IL6R: variants seen among roughly 807,000 people sequenced by gnomAD.
IL6R encodes the protein interleukin-6 receptor subunit alpha.
In IL6R, 38 loss-of-function variants were observed where a neutral mutation model predicts 48.3. That is an observed-to-expected ratio of 0.79 (90% CI 0.61 to 1.03). IL6R has a LOEUF of 1.03. Ranked by LOEUF, IL6R falls within the 50% of genes least tolerant of loss-of-function variation. The pLI, the probability that IL6R is intolerant of heterozygous loss-of-function variation, is 0.00. For synonymous variants in IL6R, 264 were observed against 256.2 expected (o/e 1.03, Z -0.29); for missense variants, 534 against 618.3 (o/e 0.86, Z 1.45).
intron 1 of IL6R, among the ~76,000 whole-genome samples, chr1:154,408,194 C>G (rs768667366): frequency 2.0e-5 from 3 of 152,092 alleles, no homozygotes; most frequent in African/African-American, 7.2e-5. Flanking sequence ...AACAAACTGC[C>G]CCTTGTGATT....
Position 154,465,689 on chromosome 1 carries a change from G to A in IL6R, c.*309G>A. The A allele has an allele frequency of 2.9e-6, 1 of 347,664 alleles. No homozygotes were observed. Among genetic ancestry groups the A allele is most frequent in the Admixed American group, 4.2e-5 (1 of 23,760 alleles). The allele number at this position is 347,664 out of a possible 1,614,324, so 21.5% of individuals were successfully genotyped here. A position where few individuals can be genotyped will look rare whatever the true frequency, so the allele number is the denominator to read the frequency against. On this transcript the variant is annotated 3_prime_UTR_variant, in exon 10 of 10. Transcript: ENST00000368485. ...ACACGGACACTCAAAAGCTGGGCAG[G>A]TTGGTGGGGGCCTCGGTGTGGAGAA...
intron 3 of IL6R, among the ~76,000 whole-genome samples, chr1:154,432,816 A>C (rs1481119916): frequency 6.6e-6 from 1 of 152,170 alleles, no homozygotes; most frequent in Non-Finnish European, 1.5e-5. Flanking sequence ...TGGCTTCGAG[A>C]GCCTCAGGGG....
chr1:154,460,178 G>A (rs1342277833), intron 9 of IL6R, among the ~76,000 whole-genome samples: 1 of 152,174 alleles, frequency 6.6e-6, no homozygotes, highest in African/African-American at 2.4e-5. Context: ...ATGTAAAATA[G>A]ATAAAAGGTG....
At chr1:154,443,750 T>C (rs868550633) in intron 6 of IL6R, among the ~76,000 whole-genome samples, 80 of 152,366 alleles carry the variant, frequency 5.3e-4, no homozygotes, top group Admixed American at 9.8e-4. Context: ...GTGCAATAAA[T>C]GCCAGCATGA....
intron 9 of IL6R, among the ~76,000 whole-genome samples, chr1:154,456,515 T>C (rs963500654): frequency 6.6e-6 from 1 of 152,034 alleles, no homozygotes; most frequent in African/African-American, 2.4e-5. Flanking sequence ...CCTCAAGATA[T>C]ATTTTAGAGG....
chr1:154,456,042 A>C (rs1690867345), intron 9 of IL6R, among the ~76,000 whole-genome samples: 1 of 151,794 alleles, frequency 6.6e-6, no homozygotes, highest in Admixed American at 6.5e-5. Context: ...GGGTGACAGA[A>C]TGAGACTCAT....
intron 6 of IL6R, among the ~76,000 whole-genome samples, chr1:154,445,514 G>A (rs1458969491): frequency 6.6e-6 from 1 of 152,124 alleles, no homozygotes; most frequent in Non-Finnish European, 1.5e-5. Context: ...ACTTTGGGAG[G>A]CTGAGGCGGG....
intron 1 of IL6R, chr1:154,414,680 G>T: frequency 1.2e-6 from 1 of 852,230 alleles, no homozygotes; most frequent in East Asian, 2.6e-5. Context: ...CCCTTGGCCA[G>T]GAACACTTTG....
At chr1:154,451,288 TAG>T (rs1690565945) in intron 8 of IL6R, among the ~76,000 whole-genome samples, 2 of 151,920 alleles carry the variant, frequency 1.3e-5, no homozygotes, top group South Asian at 4.2e-4. Context: ...GAGGCCGAGG[TAG>T]GAGAATCACC....
chr1:154,438,870 G>A (rs977454866), intron 6 of IL6R, among the ~76,000 whole-genome samples: 1 of 152,188 alleles, frequency 6.6e-6, no homozygotes, highest in Non-Finnish European at 1.5e-5. Context: ...ACAGGAGGCA[G>A]CTTTCTATTG....
At position 154,467,764 on chromosome 1, in the gene IL6R, AAAG is replaced by A. The variant is rs1211455095; in HGVS notation, c.*2385_*2387del. The A allele has an allele frequency of 6.6e-6, 1 of 152,216 alleles. No homozygotes were observed. The highest frequency in any genetic ancestry group is 2.4e-5 in the African/African-American group (1 of 41,470). The allele number at this position is 152,216 out of a possible 1,614,324, so 9.4% of individuals were successfully genotyped here. ...ATGAACAATAACAGTTAAGAAAAAA[AAAG>A]GCAGGCAGGCGGTTATGGTGGTTCC... On this transcript the variant is annotated 3_prime_UTR_variant, in exon 10 of 10. Coordinates refer to ENST00000368485, the MANE Select transcript of IL6R (RefSeq NM_000565.4).
intron 8 of IL6R, among the ~76,000 whole-genome samples, chr1:154,450,345 T>G (rs1337957030): frequency 6.6e-6 from 1 of 152,096 alleles, no homozygotes; most frequent in Non-Finnish European, 1.5e-5. Context: ...AGGCTGGTCT[T>G]GAACTCCTGA....
chr1:154,445,704 T>C (rs1690184524), intron 6 of IL6R, among the ~76,000 whole-genome samples: 1 of 150,156 alleles, frequency 6.7e-6, no homozygotes, highest in Admixed American at 6.7e-5. Context: ...GAGCTGAGTT[T>C]GCGCCACAGC....
intron 2 of IL6R, among the ~76,000 whole-genome samples, chr1:154,429,873 G>A (rs1426032156): frequency 6.6e-6 from 1 of 152,046 alleles, no homozygotes; most frequent in Non-Finnish European, 1.5e-5. Context: ...ACACACATAT[G>A]CTGCTAAAAA....
Position 154,429,247 on chromosome 1 carries a change from C to T in IL6R, c.137C>T (p.Thr46Ile). The T allele has an allele frequency of 2.5e-6, 4 of 1,614,142 alleles. No homozygotes were observed. Among genetic ancestry groups the T allele is most frequent in the Non-Finnish European group, 3.4e-6 (4 of 1,180,006 alleles). ...TSLPGDSVTLTCPGVEPEDNA... is the reference protein window; with the variant it reads ...TSLPGDSVTLICPGVEPEDNA... Reference sequence around the variant, plus strand: ...CTGCCAGGAGACAGCGTGACTCTGACCTGCCCGGGGGTAGAGCCGGAAGAC... The same window carrying T: ...CTGCCAGGAGACAGCGTGACTCTGATCTGCCCGGGGGTAGAGCCGGAAGAC... Residue 46 changes from threonine to isoleucine, a missense_variant, in exon 2 of 10, where the codon ACC becomes ATC. Physicochemically the swap from Thr to Ile is moderately conservative, Grantham distance 89. Coordinates refer to ENST00000368485, the MANE Select transcript of IL6R (RefSeq NM_000565.4).
At chr1:154,423,092 G>C (rs1178877270) in intron 1 of IL6R, among the ~76,000 whole-genome samples, 1 of 151,514 alleles carries the variant, frequency 6.6e-6, no homozygotes. Context: ...GCAGTGCAAG[G>C]GCAAAGTGGC....
At chr1:154,445,607 G>C (rs1690176600) in intron 6 of IL6R, among the ~76,000 whole-genome samples, 1 of 152,034 alleles carries the variant, frequency 6.6e-6, no homozygotes. Context: ...AAAATTAGGC[G>C]GGTGTGGTGG....
At chr1:154,451,168 G>A (rs1690558119) in intron 8 of IL6R, among the ~76,000 whole-genome samples, 1 of 152,226 alleles carries the variant, frequency 6.6e-6, no homozygotes, top group African/African-American at 2.4e-5. Context: ...TGGAGGAAGT[G>A]CCATTTGAAA....
At chr1:154,408,348 T>C (rs1399880544) in intron 1 of IL6R, among the ~76,000 whole-genome samples, 1 of 152,188 alleles carries the variant, frequency 6.6e-6, no homozygotes, top group Admixed American at 6.5e-5. Flanking sequence ...CAGCAAACAT[T>C]TCTTGAGTCG....
Sources: gnomAD v4.1 joint callset for allele counts (sites outside exome capture counted in the v4.1 genomes callset) on GRCh38, gnomAD v4.1.1 for gene constraint, MANE v1.5 for transcripts, NCBI Gene and HGNC (gene_info 2026-07-23, HGNC 2026-07-21) for gene names.